Variants in TTLL5 observed in about 807,000 individuals in gnomAD.
TTLL5 encodes tubulin tyrosine ligase like 5.
In TTLL5, 132 loss-of-function variants were observed where a neutral mutation model predicts 168.4. The ratio of observed to expected loss-of-function variants is 0.78; its 90% CI spans 0.68 to 0.91. The LOEUF is 0.91. Among genes scored for constraint, TTLL5 ranks in the 40% least tolerant of loss-of-function variants. TTLL5 has a pLI of 0.00. For missense variants in TTLL5, 1,545 were observed against 1,581.5 expected, an observed-to-expected ratio of 0.98 and a Z score of 0.39; for synonymous variants, 546 against 558.6, an observed-to-expected ratio of 0.98 and a Z score of 0.32.
intron 5 of TTLL5, among the ~76,000 whole-genome samples, chr14:75,685,362 A>G (rs1302614664): frequency 6.8e-6 from 1 of 146,954 alleles, no homozygotes. Context: ...GGTAACACAG[A>G]GAGACTCTGT....
intron 28 of TTLL5, among the ~76,000 whole-genome samples, chr14:75,859,203 C>T (rs917938862): frequency 1.3e-5 from 2 of 152,130 alleles, no homozygotes; most frequent in African/African-American, 4.8e-5. Flanking sequence ...CTCCAAGTTC[C>T]CTAAAACCAG....
At chr14:75,708,672 A>G (rs746788884) in intron 9 of TTLL5, among the ~76,000 whole-genome samples, 37 of 152,174 alleles carry the variant, frequency 2.4e-4, no homozygotes, top group Non-Finnish European at 3.4e-4. Flanking sequence ...TACAAGATTA[A>G]GTTCAAGTTG....
chr14:75,931,324 T>A (rs933053715), intron 31 of TTLL5, among the ~76,000 whole-genome samples: 5 of 152,188 alleles, frequency 3.3e-5, no homozygotes, highest in African/African-American at 1.2e-4. Flanking sequence ...TGGTCCCTCC[T>A]GTTCACCTTC....
Position 75,954,717 on chromosome 14 carries a change from C to T in TTLL5, c.*271C>T. 2.0e-6 allele frequency: 1 copy of T among 507,234 alleles called. No homozygotes were observed. The highest frequency in any genetic ancestry group is 3.3e-5 in the South Asian group (1 of 30,758). The allele number at this position is 507,234 out of a possible 1,614,324, so 31.4% of individuals were successfully genotyped here. On this transcript the variant is annotated 3_prime_UTR_variant, in exon 32 of 32. Transcript: ENST00000298832. The stretch of plus-strand genomic sequence containing the variant: ...GCATTATATACCCCGTCAGAGCACA[C>T]TTGTATCTTTTACCTTCCCTTTGCC...
chr14:75,679,758 C>T (rs2140113588), intron 3 of TTLL5, among the ~76,000 whole-genome samples: 1 of 152,330 alleles, frequency 6.6e-6, no homozygotes, highest in South Asian at 2.1e-4. Flanking sequence ...GTGATTCCCA[C>T]ACATGATTCT....
At chr14:75,675,542 T>C (rs532580509) in intron 3 of TTLL5, among the ~76,000 whole-genome samples, 98 of 152,288 alleles carry the variant, frequency 6.4e-4, no homozygotes, top group African/African-American at 2.3e-3. Flanking sequence ...TATGGTGGAA[T>C]TGATGTGATG....
intron 28 of TTLL5, among the ~76,000 whole-genome samples, chr14:75,855,306 A>G (rs773296570): frequency 4.6e-5 from 7 of 152,374 alleles, no homozygotes; most frequent in Middle Eastern, 3.4e-3. Context: ...TTATCTGATC[A>G]ACCTACTTGA....
At chr14:75,938,941 AGTCGT>A (rs2034512714) in intron 31 of TTLL5, among the ~76,000 whole-genome samples, 2 of 152,214 alleles carry the variant, frequency 1.3e-5, no homozygotes, top group African/African-American at 4.8e-5. Flanking sequence ...TTAAACTGTG[AGTCGT>A]GACCTAGCAG....
chr14:75,831,876 GGCTTTT>G (rs1895590491), intron 28 of TTLL5, among the ~76,000 whole-genome samples: 3 of 152,226 alleles, frequency 2.0e-5, no homozygotes, highest in African/African-American at 7.2e-5. Flanking sequence ...TTTGGCTTTT[GGCTTTT>G]GCTTTTTACT....
intron 28 of TTLL5, among the ~76,000 whole-genome samples, chr14:75,858,557 G>A (rs988997731): frequency 1.3e-5 from 2 of 152,170 alleles, no homozygotes; most frequent in African/African-American, 4.8e-5. Context: ...GACAAACTAG[G>A]GTTATTTGGA....
intron 27 of TTLL5, among the ~76,000 whole-genome samples, chr14:75,815,856 G>T (rs1386502270): frequency 6.6e-6 from 1 of 152,196 alleles, no homozygotes; most frequent in Admixed American, 6.5e-5. Flanking sequence ...TTCTCCACTT[G>T]TGAAATGGTG....
At chr14:75,903,135 A>G (rs2032997663) in intron 31 of TTLL5, among the ~76,000 whole-genome samples, 1 of 152,226 alleles carries the variant, frequency 6.6e-6, no homozygotes, top group African/African-American at 2.4e-5. Context: ...TTATGGCTGA[A>G]GAAATAAAGG....
At chr14:75,719,525 G>A (rs1001867489) in intron 10 of TTLL5, among the ~76,000 whole-genome samples, 2 of 152,044 alleles carry the variant, frequency 1.3e-5, no homozygotes, top group African/African-American at 4.8e-5. Flanking sequence ...CTTGAAAAAG[G>A]CAAACTGTAT....
intron 29 of TTLL5, among the ~76,000 whole-genome samples, chr14:75,868,617 C>A (rs1308476067): frequency 6.6e-6 from 1 of 152,194 alleles, no homozygotes; most frequent in Non-Finnish European, 1.5e-5. Context: ...ATCTTGAGTG[C>A]AGTGTGTAAC....
intron 29 of TTLL5, among the ~76,000 whole-genome samples, chr14:75,874,060 T>C (rs2031260663): frequency 6.8e-6 from 1 of 147,774 alleles, no homozygotes; most frequent in South Asian, 2.2e-4. Context: ...ATTAATACCA[T>C]GATTAAATGG....
intron 27 of TTLL5, among the ~76,000 whole-genome samples, chr14:75,811,599 C>T (rs907277309): frequency 6.6e-6 from 1 of 152,106 alleles, no homozygotes; most frequent in Non-Finnish European, 1.5e-5. Context: ...GGCTTGAGGG[C>T]AGGGAAGGGC....
At chr14:75,864,995 A>T (rs1422396378) in intron 29 of TTLL5, among the ~76,000 whole-genome samples, 1 of 152,178 alleles carries the variant, frequency 6.6e-6, no homozygotes, top group Non-Finnish European at 1.5e-5. Context: ...TACCTGCGGT[A>T]GTATACTCTG....
chr14:75,723,524 T>C (rs1053541099), intron 12 of TTLL5, among the ~76,000 whole-genome samples: 5 of 152,192 alleles, frequency 3.3e-5, no homozygotes, highest in Middle Eastern at 3.2e-3. Context: ...TTGGCTCTTA[T>C]ATGAGGGTAA....
chr14:75,903,993 A>T, intron 31 of TTLL5: 1 of 677,830 alleles, frequency 1.5e-6, no homozygotes, highest in Non-Finnish European at 1.9e-6. Context: ...ATGAAGCAAT[A>T]TATAGGGAAG....
Sources: allele counts gnomAD v4.1 joint callset (sites outside exome capture counted in the v4.1 genomes callset), GRCh38; gene constraint gnomAD v4.1.1; transcripts MANE v1.5; gene names NCBI Gene and HGNC (gene_info 2026-07-23, HGNC 2026-07-21).